The following QRICH1 variants were observed in gnomAD, a reference collection of about 807,000 sequenced individuals.
The protein encoded by QRICH1 is glutamine rich 1.
A neutral mutation model predicts 87.1 loss-of-function variants in QRICH1; 16 were observed. The ratio of observed to expected loss-of-function variants is 0.18; its 90% CI spans 0.12 to 0.28. QRICH1 has a LOEUF of 0.28. Among genes scored for constraint, QRICH1 ranks in the 10% least tolerant of loss-of-function variants. QRICH1 has a pLI of 1.00. For missense variants in QRICH1, 647 were observed against 951.7 expected (o/e 0.68, Z 4.21); for synonymous variants, 367 against 368.4 (o/e 1.00, Z 0.05).
At chr3:49,068,520 G>T (rs553806734) in intron 2 of QRICH1, among the ~76,000 whole-genome samples, 10 of 151,672 alleles carry the variant, frequency 6.6e-5, no homozygotes, top group African/African-American at 2.4e-4. Context: ...AGCTACTCAG[G>T]AGACTGAAGC....
chr3:49,091,901 T>A (rs1015747495), intron 1 of QRICH1, among the ~76,000 whole-genome samples: 8 of 151,974 alleles, frequency 5.3e-5, no homozygotes, highest in African/African-American at 1.9e-4. Flanking sequence ...TGAAACCCCG[T>A]CTATACTACA....
At chr3:49,084,988 A>AGTGGTTATAGTGTAGTAATGGT (rs1553748774) in intron 1 of QRICH1, among the ~76,000 whole-genome samples, 4 of 149,192 alleles carry the variant, frequency 2.7e-5, no homozygotes, top group South Asian at 4.3e-4. Flanking sequence ...TAAAAATACA[A>AGTGGTTATAGTGTAGTAATGGT]AAAAATTAGC....
In QRICH1 at chr3:49,093,953, C is replaced by T; in HGVS notation, c.-63G>A. On this transcript the variant is annotated 5_prime_UTR_variant, in exon 1 of 10. It adds an upstream start codon to the 5' untranslated region. Transcript: ENST00000395443. ...CGCCGCCGCCGCCGCCTCCGCTGCA[C>T]CCGCCGGCCCCGCCGCACCGCCAGG... The T allele has an allele frequency of 2.5e-6, 1 of 404,236 alleles. No individual in the cohort carries two copies. Among genetic ancestry groups the T allele is most frequent in the Non-Finnish European group, 4.3e-6 (1 of 231,198 alleles). 25.0% of individuals were successfully genotyped at this position (404,236 alleles called of 1,614,324 possible).
At chr3:49,040,410 C>A (rs1396090919) in intron 6 of QRICH1, among the ~76,000 whole-genome samples, 2 of 152,184 alleles carry the variant, frequency 1.3e-5, no homozygotes, top group Non-Finnish European at 2.9e-5. Flanking sequence ...GAGTTGGAGA[C>A]CTGCCTGGGC....
chr3:49,079,080 T>C (rs919147633), intron 1 of QRICH1, among the ~76,000 whole-genome samples: 8 of 151,792 alleles, frequency 5.3e-5, no homozygotes, highest in African/African-American at 1.9e-4. Flanking sequence ...AAAAAATATA[T>C]AAAAATTAAC....
chr3:49,088,380 C>T (rs1488424675), intron 1 of QRICH1, among the ~76,000 whole-genome samples: 3 of 152,022 alleles, frequency 2.0e-5, no homozygotes, highest in Admixed American at 6.6e-5. Context: ...ATGCAACCTC[C>T]GTTTCCCAGG....
At chr3:49,059,110 T>C (rs933000549) in intron 2 of QRICH1, among the ~76,000 whole-genome samples, 26 of 151,608 alleles carry the variant, frequency 1.7e-4, no homozygotes, top group Non-Finnish European at 3.1e-4. Context: ...TACAGGTGCC[T>C]GCCACCACAC....
chr3:49,033,149 C>T lies in QRICH1; in HGVS notation c.1866G>A (p.Leu622=), dbSNP rs2106813754. The T allele has an allele frequency of 6.3e-7, 1 of 1,577,018 alleles. No homozygotes were observed. The highest frequency in any genetic ancestry group is 1.2e-5 in the South Asian group (1 of 85,036). ...KQLGAHSPST[L]LTTLMFFNTK... is the part of the protein sequence containing the mutation. ...TATTAAAGAACATGAGGGTGGTCAG[C>T]AAGGTGGAGGGGGAGTGAGCCCCAA... Residue 622 remains leucine, a synonymous_variant, in exon 7 of 10, where the codon TTG becomes TTA. Transcript: ENST00000395443.
intron 1 of QRICH1, among the ~76,000 whole-genome samples, chr3:49,088,629 T>G (rs1465480674): frequency 4.0e-5 from 6 of 148,924 alleles, no homozygotes; most frequent in African/African-American, 1.2e-4. Context: ...TTTTTTTTTT[T>G]TTTTTTTTTT....
At chr3:49,034,555 C>A (rs1158963275) in intron 6 of QRICH1, among the ~76,000 whole-genome samples, 1 of 152,154 alleles carries the variant, frequency 6.6e-6, no homozygotes, top group Non-Finnish European at 1.5e-5. Flanking sequence ...CTCAAAGACT[C>A]CTCCTGCCAG....
intron 3 of QRICH1, among the ~76,000 whole-genome samples, chr3:49,053,978 G>T (rs1324290505): frequency 6.6e-6 from 1 of 152,132 alleles, no homozygotes; most frequent in Non-Finnish European, 1.5e-5. Context: ...AGAGGGGAGA[G>T]GGATGTTTGT....
At position 49,056,990 on chromosome 3, in the gene QRICH1, C is replaced by A; in HGVS notation, c.1210G>T (p.Gly404Cys). 1 of 1,614,194 alleles carries A rather than the reference C, an allele frequency of 6.2e-7. No individual in the cohort carries two copies. The highest frequency in any genetic ancestry group is 8.5e-7 in the Non-Finnish European group (1 of 1,180,036). ...GTTTGAGCCGTATTCTGGTACGTGC[C>A]TGCCACAGCCTGCACAGCCACTGGA... ...HIPVAVQAVA[G>C]TYQNTAQTVH... The change falls in exon 3 of 10, where the codon GGC becomes TGC. Residue 404 changes from glycine to cysteine, a missense_variant. By Grantham distance (159) the Gly-to-Cys change is radical. Around this residue, in one of 7 missense-constraint regions of QRICH1, gnomAD observed 115 missense variants for 126.8 expected, o/e 0.91. Coordinates refer to ENST00000395443, the MANE Select transcript of QRICH1 (RefSeq NM_198880.3).
At chr3:49,046,364 A>G in intron 5 of QRICH1, 61 bp downstream of exon 5, 1 of 1,505,672 alleles carries the variant, frequency 6.6e-7, no homozygotes, top group Non-Finnish European at 9.0e-7. Context: ...TATTAACTAA[A>G]CTAGCAAACA....
chr3:49,082,309 G>A lies in QRICH1; in HGVS notation c.-21-5271C>T, dbSNP rs2042077717. Among the ~76,000 whole-genome samples the A allele has an allele frequency of 2.6e-5, 4 of 152,090 alleles. No individual in the cohort carries two copies. In the South Asian group the frequency reaches 8.3e-4, roughly 32 times the overall value. On this transcript the variant is annotated intron_variant, in intron 1 of 9. Transcript: ENST00000395443. ...CTATTTAATCAATATTTTAGTTTTA[G>A]AATACATTTCATACCAAAGTCCAGA...
At chr3:49,049,623 G>A (rs939359186) in intron 3 of QRICH1, among the ~76,000 whole-genome samples, 1 of 151,662 alleles carries the variant, frequency 6.6e-6, no homozygotes, top group East Asian at 2.0e-4. Context: ...TCAGCCTCCC[G>A]AGTAGCTGGG....
At chr3:49,038,352 C>A (rs1027244298) in intron 6 of QRICH1, among the ~76,000 whole-genome samples, 15 of 151,576 alleles carry the variant, frequency 9.9e-5, no homozygotes, top group Admixed American at 3.9e-4. Flanking sequence ...TGAGCCACTG[C>A]GCCCAGCCTA....
intron 2 of QRICH1, among the ~76,000 whole-genome samples, chr3:49,070,419 C>T (rs2093494245): frequency 6.6e-6 from 1 of 151,684 alleles, no homozygotes; most frequent in African/African-American, 2.4e-5. Flanking sequence ...TCATTTTTTC[C>T]AACACTCTTA....
At chr3:49,035,859 G>C (rs1451095709) in intron 6 of QRICH1, among the ~76,000 whole-genome samples, 1 of 148,712 alleles carries the variant, frequency 6.7e-6, no homozygotes, top group Non-Finnish European at 1.5e-5. Flanking sequence ...TGGATCACTG[G>C]AACCTAGGAG....
chr3:49,058,895 T>A (rs2093418313), intron 2 of QRICH1, among the ~76,000 whole-genome samples: 1 of 152,024 alleles, frequency 6.6e-6, no homozygotes, highest in East Asian at 1.9e-4. Flanking sequence ...CCAAAACTGT[T>A]GAGATTACAG....
Sources: allele counts gnomAD v4.1 joint callset (sites outside exome capture counted in the v4.1 genomes callset), GRCh38; gene constraint gnomAD v4.1.1; regional missense constraint gnomAD v4.1.1; transcripts MANE v1.5; gene names NCBI Gene and HGNC (gene_info 2026-07-23, HGNC 2026-07-21).